The following LMF2 variants were observed in gnomAD, a reference collection of about 807,000 sequenced individuals.
LMF2 encodes the protein transmembrane protein 112B.
LMF2 carries 113 observed loss-of-function variants against 81.5 expected under a neutral mutation model. That is an observed-to-expected ratio of 1.39 (90% confidence interval 1.19 to 1.62). The LOEUF (loss-of-function observed/expected upper bound fraction) is 1.62. LMF2 is among the 40% of genes most tolerant of loss of function. The probability of loss-of-function intolerance (pLI) is 0.00; values close to 1 mark genes in which losing one functional copy is unlikely to be tolerated. For missense variants in LMF2, 1,235 were observed against 929.1 expected (o/e 1.33, Z -4.28); for synonymous variants, 645 against 424.5 (o/e 1.52, Z -6.39).
rs899395851 is a variant in LMF2 at position 50,503,114 on chromosome 22, C to T, written c.*277G>A. The stretch of plus-strand genomic sequence containing the variant: ...TGGGGGCTCTAGACTCAGACCCCCA[C>T]AGCCCAGGGCAGGGGAAGGGTCTTG... On this transcript the variant is annotated 3_prime_UTR_variant, in exon 14 of 14. Coordinates refer to ENST00000474879, the MANE Select transcript of LMF2 (RefSeq NM_033200.3). 9.1e-6 allele frequency: 4 copies of T among 437,938 alleles called. No homozygotes were observed. The highest frequency in any genetic ancestry group is 4.5e-5 in the East Asian group (1 of 22,296). 27.1% of individuals were successfully genotyped at this position (437,938 alleles called of 1,614,324 possible). A position where few individuals can be genotyped will look rare whatever the true frequency, so the allele number is the denominator to read the frequency against.
chr22:50,503,795 GAC>G lies in LMF2; in HGVS notation c.1815+11_1815+12del. On this transcript the variant is annotated intron_variant, in intron 13 of 13. Transcript: ENST00000474879. Reference sequence around the variant, plus strand: ...CCCTGCCACCTCCCCCAGCCTGGCTGACACCCCCTTACCTGTAGTCCAAACTG... The same window carrying G: ...CCCTGCCACCTCCCCCAGCCTGGCTGACCCCCTTACCTGTAGTCCAAACTG... 1 of 1,602,564 alleles carries G rather than the reference GAC, an allele frequency of 6.2e-7. No individual in the cohort carries two copies. The highest frequency in any genetic ancestry group is 1.3e-5 in the African/African-American group (1 of 74,876).
chr22:50,503,982 T>TG, intron 12 of LMF2, 78 bp from the exon 13 acceptor site: 1 of 1,300,660 alleles, frequency 7.7e-7, no homozygotes, highest in Non-Finnish European at 1.1e-6. Context: ...GCCTTACCCC[T>TG]GCTCCTCAGC....
chr22:50,503,614 T>C lies in LMF2; in HGVS notation c.1901A>G (p.Glu634Gly). The C allele has an allele frequency of 1.3e-6, 2 of 1,561,196 alleles. No individual in the cohort carries two copies. The highest frequency in any genetic ancestry group is 1.7e-6 in the Non-Finnish European group (2 of 1,154,400). Residue 634 changes from glutamate to glycine, a missense_variant, in exon 14 of 14, where the codon GAG becomes GGG. Physicochemically the swap from Glu to Gly is moderately conservative, Grantham distance 98. Transcript: ENST00000474879. ...GAGCCCCCAGAGCAGGGCGGGGGCC[T>C]CCAGGGGAGACAGCTGAGAGCGAGT... ...HWTRSQLSPLEAPALLWGLLM... is the reference protein window; with the variant it reads ...HWTRSQLSPLGAPALLWGLLM...
In LMF2 at chr22:50,503,052, G is replaced by A. The variant is rs555803257; in HGVS notation, c.*339C>T. ...GACAGTGCTTCCCCTCTTCCCCTGG[G>A]AGTCAGCCTCTTCCCCTCTGGCACG... On this transcript the variant is annotated 3_prime_UTR_variant, in exon 14 of 14. Coordinates refer to ENST00000474879, the MANE Select transcript of LMF2 (RefSeq NM_033200.3). 3.3e-6 allele frequency: 1 copy of A among 299,844 alleles called. No individual in the cohort carries two copies. Among genetic ancestry groups the A allele is most frequent in the East Asian group, 7.4e-5 (1 of 13,602 alleles). The allele number at this position is 299,844 out of a possible 1,614,324, so 18.6% of individuals were successfully genotyped here. A position where few individuals can be genotyped will look rare whatever the true frequency, so the allele number is the denominator to read the frequency against.
chr22:50,504,306 CG>C, intron 12 of LMF2, 33 bp downstream of exon 12: 2 of 1,535,086 alleles, frequency 1.3e-6, no homozygotes, highest in Non-Finnish European at 1.8e-6. Flanking sequence ...CCCTGCACCC[CG>C]GGCTCCACAC....
rs557267353 is a variant in LMF2, at chr22:50,505,266, C to T, written c.1120G>A (p.Ala374Thr). 28 of 1,613,178 alleles carry T rather than the reference C, an allele frequency of 1.7e-5. 1 individual carries two copies. In the South Asian group the frequency reaches 2.7e-4, roughly 16 times the overall value. The change falls in exon 8 of 14, where the codon GCC becomes ACC. Residue 374 changes from alanine (A) to threonine (T), a missense_variant. Transcript: ENST00000474879. ...LTLPTVWLGV[A>T]SLVWELLSAL... The stretch of plus-strand genomic sequence containing the variant: ...CTCAGCAGCTCCCAGACCAGGGAGG[C>T]CACACCCAGCCACACAGTGGGCAGC...
intron 11 of LMF2, 35 bp from the exon 12 acceptor site, chr22:50,504,486 A>ACCCCC: frequency 6.5e-7 from 1 of 1,539,762 alleles, no homozygotes; most frequent in Non-Finnish European, 8.8e-7. Flanking sequence ...CCCCCACAGT[A>ACCCCC]CCCGCCCTGC....
At position 50,504,389 on chromosome 22, in the gene LMF2, C is replaced by G. The variant is rs144069068; in HGVS notation, c.1669G>C (p.Val557Leu). ...YPFHKQPPTY[V>L]RAQRYKYWFS... is the part of the protein sequence containing the mutation. ...CAGTACTTGTAGCGCTGGGCTCGGACGTAGGTGGGCGGCTGCTTGTGGAAG... is the reference window on the plus strand; with the variant it reads ...CAGTACTTGTAGCGCTGGGCTCGGAGGTAGGTGGGCGGCTGCTTGTGGAAG... Residue 557 changes from valine to leucine, a missense_variant, in exon 12 of 14, where the codon GTC (valine) becomes CTC (leucine). Val to Leu is a conservative substitution (Grantham distance 32). Coordinates refer to ENST00000474879, the MANE Select transcript of LMF2 (RefSeq NM_033200.3). The G allele has an allele frequency of 1.2e-6, 2 of 1,612,276 alleles. No individual in the cohort carries two copies. The highest frequency in any genetic ancestry group is 2.2e-5 in the East Asian group (1 of 44,860).
At position 50,503,067 on chromosome 22, in the gene LMF2, C is replaced by T. The variant is rs1050764871; in HGVS notation, c.*324G>A. On this transcript the variant is annotated 3_prime_UTR_variant, in exon 14 of 14. Coordinates refer to ENST00000474879, the MANE Select transcript of LMF2 (RefSeq NM_033200.3). Reference sequence around the variant, plus strand: ...CTTCCCCTGGGAGTCAGCCTCTTCCCCTCTGGCACGGGGCCTAGGGTTGGG... The same window carrying T: ...CTTCCCCTGGGAGTCAGCCTCTTCCTCTCTGGCACGGGGCCTAGGGTTGGG... The T allele has an allele frequency of 6.1e-6, 2 of 328,592 alleles. No individual in the cohort carries two copies. The highest frequency in any genetic ancestry group is 1.1e-5 in the Non-Finnish European group (2 of 179,312). The allele number at this position is 328,592 out of a possible 1,614,324, so 20.4% of individuals were successfully genotyped here.
rs1238604589 is a variant in LMF2, at chr22:50,506,168, G to C, written c.641C>G (p.Ala214Gly). The C allele has an allele frequency of 6.4e-7, 1 of 1,565,320 alleles. No homozygotes were observed. Among genetic ancestry groups the C allele is most frequent in the African/African-American group, 1.4e-5 (1 of 74,020 alleles). Residue 214 changes from alanine (A) to glycine (G), a missense_variant, in exon 5 of 14, where the codon GCC becomes GGC. By Grantham distance (60) the Ala-to-Gly change is moderately conservative. Transcript: ENST00000474879. ...YETQCLPTPA[A>G]WFAHHLPVWL... ...GACCGGCAGGTGGTGTGCGAACCAG[G>C]CGGCGGGCGTGGGCAGGCACTGGGT...
Position 50,506,445 on chromosome 22 carries a change from TG to T in LMF2, c.434del (p.Pro145GlnfsTer43), listed in dbSNP as rs1569518734. ...GGGGGGCCTCCTTGCGGTGGGAGGC[TG>T]GCCTCAGCGGGGCCACCAGCACGGC... ...FLAVLVAPLR[P>X]ASHRKEAPQG... On this transcript the variant is annotated frameshift_variant, in exon 4 of 14. Coordinates refer to ENST00000474879, the MANE Select transcript of LMF2 (RefSeq NM_033200.3). LOFTEE classifies it high-confidence loss of function. The T allele has an allele frequency of 6.4e-7, 1 of 1,550,670 alleles. No individual in the cohort carries two copies. Among genetic ancestry groups the T allele is most frequent in the Admixed American group, 2.0e-5 (1 of 50,940 alleles).
chr22:50,507,351 C>CA (rs2068616941), intron 1 of LMF2: 2 of 604,826 alleles, frequency 3.3e-6, no homozygotes, highest in Non-Finnish European at 5.9e-6. Flanking sequence ...CCACCTCTCT[C>CA]AGAGTTCTGT....
intron 11 of LMF2, 45 bp downstream of exon 11, chr22:50,504,514 C>A: frequency 6.6e-7 from 1 of 1,509,608 alleles, no homozygotes; most frequent in East Asian, 2.4e-5. Flanking sequence ...CTCCCCACCC[C>A]GCTCCACCCC....
At chr22:50,504,770 C>T (rs774124008) in intron 10 of LMF2, 32 bp downstream of exon 10, 1 of 1,604,018 alleles carries the variant, frequency 6.2e-7, no homozygotes, top group Non-Finnish European at 8.5e-7. Flanking sequence ...TGACCTGGGC[C>T]CCACCACCCT....
chr22:50,506,633 C>A lies in LMF2; in HGVS notation c.377+5G>T. On this transcript the variant is annotated splice_donor_5th_base_variant and intron_variant, in intron 3 of 13. Transcript: ENST00000474879. ...CCCACAGCCCCAGGCCCAGCCGTCA[C>A]TCACCACTGGAAATAAAGGAACACC... The A allele has an allele frequency of 6.2e-7, 1 of 1,612,756 alleles. No individual in the cohort carries two copies. The highest frequency in any genetic ancestry group is 2.2e-5 in the East Asian group (1 of 44,890).
At position 50,504,692 on chromosome 22, in the gene LMF2, G is replaced by A. The variant is rs2068508937; in HGVS notation, c.1473C>T (p.Ser491=). The A allele has an allele frequency of 6.2e-7, 1 of 1,609,638 alleles. No individual in the cohort carries two copies. The highest frequency in any genetic ancestry group is 1.1e-5 in the South Asian group (1 of 91,056). Residue 491 remains serine, a synonymous_variant, in exon 11 of 14, where the codon AGC becomes AGT. Coordinates refer to ENST00000474879, the MANE Select transcript of LMF2 (RefSeq NM_033200.3). ...IEFMYKPGNL[S]RPPPVVVPHQ... ...GGGGCACCACAACCGGGGGCGGCCG[G>A]CTCAGGTTCCCAGGCTTGTACATGA...
At position 50,505,810 on chromosome 22, in the gene LMF2, C is replaced by A; in HGVS notation, c.780G>T (p.Leu260=). The change falls in exon 6 of 14, where the codon CTG becomes CTT. Residue 260 remains leucine (L), a synonymous_variant. Coordinates refer to ENST00000474879, the MANE Select transcript of LMF2 (RefSeq NM_033200.3). ...CGGTGATGATAATCAGGACCTGCAG[C>A]AGCACCTGGGGGCGGCCCGCTCTCA... ...LRLAAFYSQV[L]LQVLIIITGN... is the part of the protein sequence containing the mutation. 1 of 1,612,942 alleles carries A rather than the reference C, an allele frequency of 6.2e-7. No individual in the cohort carries two copies. Among genetic ancestry groups the A allele is most frequent in the Non-Finnish European group, 8.5e-7 (1 of 1,179,890 alleles).
rs1265478617 is a variant in LMF2, at chr22:50,506,265, G to A, written c.595+20C>T. Reference sequence around the variant, plus strand: ...TGGCCGAGCCCCCAGACTACCCCAGGTCCAGACCGGGCCCCTCACCAGTGA... The same window carrying A: ...TGGCCGAGCCCCCAGACTACCCCAGATCCAGACCGGGCCCCTCACCAGTGA... On this transcript the variant is annotated intron_variant, in intron 4 of 13. Transcript: ENST00000474879. 5 of 1,548,558 alleles carry A rather than the reference G, an allele frequency of 3.2e-6. No homozygotes were observed. The highest frequency in any genetic ancestry group is 2.0e-5 in the Admixed American group (1 of 50,942).
Position 50,503,858 on chromosome 22 carries a change from A to G in LMF2, c.1765T>C (p.Ser589Pro). The G allele has an allele frequency of 6.2e-7, 1 of 1,606,174 alleles. No individual in the cohort carries two copies. Among genetic ancestry groups the G allele is most frequent in the Non-Finnish European group, 8.5e-7 (1 of 1,179,478 alleles). ...QWVEEFFPSV[S>P]LGDPTLETLL... is the part of the protein sequence containing the mutation. ...GTCTCCAGCGTGGGGTCCCCCAGGG[A>G]CACGGATGGGAAGAACTCCTCCACC... Residue 589 changes from serine (S) to proline (P), a missense_variant, in exon 13 of 14, where the codon TCC (serine) becomes CCC (proline). Ser to Pro is a moderately conservative substitution (Grantham distance 74). Coordinates refer to ENST00000474879, the MANE Select transcript of LMF2 (RefSeq NM_033200.3).
Sources: gnomAD v4.1 joint callset for allele counts on GRCh38, gnomAD v4.1.1 for gene constraint, MANE v1.5 for transcripts, NCBI Gene and HGNC (gene_info 2026-07-23, HGNC 2026-07-21) for gene names.